The following PCNX2 variants were observed in gnomAD, a reference collection of about 807,000 sequenced individuals.
The protein encoded by PCNX2 is pecanex-like protein 2.
A neutral mutation model predicts 223.8 loss-of-function variants in PCNX2; 168 were observed. The ratio of observed to expected loss-of-function variants is 0.75; its 90% CI spans 0.66 to 0.85. PCNX2 has a LOEUF of 0.85. PCNX2 is among the 40% of genes least tolerant of loss of function. The pLI, the probability that PCNX2 is intolerant of heterozygous loss-of-function variation, is 0.00. For missense variants in PCNX2, 2,507 were observed against 2,675.5 expected, an observed-to-expected ratio of 0.94 and a Z score of 1.39; for synonymous variants, 1,006 against 1,052.6, an observed-to-expected ratio of 0.96 and a Z score of 0.86.
intron 28 of PCNX2, among the ~76,000 whole-genome samples, chr1:233,006,967 T>C: frequency 6.6e-6 from 1 of 152,060 alleles, no homozygotes; most frequent in Non-Finnish European, 1.5e-5. Flanking sequence ...GCTCTCTTCA[T>C]GTGTGCCTTA....
chr1:233,319,499 CCAA>C, the PCNX2 span, among the ~76,000 whole-genome samples: 227 of 152,268 alleles, frequency 1.5e-3, 2 homozygotes, highest in African/African-American at 5.0e-3. Flanking sequence ...AAGTGGAAGC[CCAA>C]GAGAGAAAGC....
At chr1:233,069,338 G>A (rs1276740861) in intron 23 of PCNX2, among the ~76,000 whole-genome samples, 1 of 152,074 alleles carries the variant, frequency 6.6e-6, no homozygotes, top group Non-Finnish European at 1.5e-5. Context: ...GAAGAACTCA[G>A]TAACACTATC....
At chr1:233,178,351 C>T (rs561857571) in intron 16 of PCNX2, among the ~76,000 whole-genome samples, 11 of 152,294 alleles carry the variant, frequency 7.2e-5, no homozygotes, top group Non-Finnish European at 1.0e-4. Flanking sequence ...CAAAGAGTTA[C>T]GGTTATCTTA....
At chr1:233,105,234 T>C (rs1380640536) in intron 21 of PCNX2, among the ~76,000 whole-genome samples, 1 of 152,194 alleles carries the variant, frequency 6.6e-6, no homozygotes, top group Non-Finnish European at 1.5e-5. Flanking sequence ...GTCCACTTCA[T>C]AATGATATAG....
intron 21 of PCNX2, chr1:233,113,060 A>G (rs939343324): frequency 8.1e-7 from 1 of 1,229,160 alleles, no homozygotes; most frequent in Admixed American, 2.3e-5. Flanking sequence ...CAATTACACA[A>G]TACAACACTA....
intron 19 of PCNX2, among the ~76,000 whole-genome samples, chr1:233,158,487 G>T (rs1201813177): frequency 1.3e-5 from 2 of 152,066 alleles, no homozygotes; most frequent in Non-Finnish European, 2.9e-5. Flanking sequence ...TATAGATAAA[G>T]GTAAAGGTAT....
At chr1:233,107,629 T>A (rs78378502) in intron 21 of PCNX2, among the ~76,000 whole-genome samples, 2 of 150,742 alleles carry the variant, frequency 1.3e-5, no homozygotes, top group African/African-American at 4.9e-5. Context: ...CTCTGGGATA[T>A]ACAAAGCTGT....
At chr1:233,218,513 G>C (rs577708528) in intron 10 of PCNX2, among the ~76,000 whole-genome samples, 10 of 152,174 alleles carry the variant, frequency 6.6e-5, no homozygotes, top group Non-Finnish European at 1.3e-4. Flanking sequence ...GCCTCCCAAA[G>C]TGCTGGGATT....
At chr1:233,319,180 C>A in the PCNX2 span, among the ~76,000 whole-genome samples, 84 of 150,486 alleles carry the variant, frequency 5.6e-4, no homozygotes, top group African/African-American at 1.8e-3. Context: ...TGGATTAATG[C>A]CCACCATCTC....
chr1:233,268,718 C>T (rs565242432), intron 1 of PCNX2, among the ~76,000 whole-genome samples: 19 of 152,162 alleles, frequency 1.2e-4, no homozygotes, highest in Non-Finnish European at 1.3e-4. Flanking sequence ...GAACACATCA[C>T]TGTTAGAGGG....
intron 17 of PCNX2, among the ~76,000 whole-genome samples, chr1:233,175,701 CT>C (rs11325429): frequency 0.4 from 60,941 of 151,336 alleles, 16,999 homozygotes; most frequent in African/African-American, 0.78. Context: ...AAATATTTCT[CT>C]TTTTTTTTAA....
chr1:233,179,740 A>T (rs1229340669), intron 15 of PCNX2, among the ~76,000 whole-genome samples: 2 of 152,222 alleles, frequency 1.3e-5, no homozygotes, highest in Admixed American at 1.3e-4. Flanking sequence ...CTTACACTTT[A>T]GCCCAGTTAG....
chr1:233,035,497 C>A (rs913126989), intron 25 of PCNX2, among the ~76,000 whole-genome samples: 2 of 152,130 alleles, frequency 1.3e-5, no homozygotes, highest in East Asian at 1.9e-4. Flanking sequence ...ACTGAGCTGG[C>A]GTTCTGCATA....
At chr1:233,003,877 T>G (rs941055473) in intron 28 of PCNX2, among the ~76,000 whole-genome samples, 1 of 152,058 alleles carries the variant, frequency 6.6e-6, no homozygotes, top group Non-Finnish European at 1.5e-5. Context: ...CTGGAAACCA[T>G]CATTCTCAAC....
intron 1 of PCNX2, 76 bp from the exon 2 acceptor site, chr1:233,263,239 T>C (rs1660154478): frequency 7.9e-7 from 1 of 1,260,802 alleles, no homozygotes; most frequent in Non-Finnish European, 1.1e-6. Context: ...GAAGCATTTT[T>C]AGACTATCTA....
At chr1:233,046,835 G>A (rs1195464141) in intron 25 of PCNX2, among the ~76,000 whole-genome samples, 1 of 152,190 alleles carries the variant, frequency 6.6e-6, no homozygotes, top group Non-Finnish European at 1.5e-5. Flanking sequence ...ACGCCTCCCT[G>A]TAATCATACC....
intron 24 of PCNX2, among the ~76,000 whole-genome samples, chr1:233,055,553 T>C (rs1400309411): frequency 1.3e-5 from 2 of 152,226 alleles, no homozygotes; most frequent in African/African-American, 2.4e-5. Flanking sequence ...AAAGAGAAGA[T>C]TGGATAACAT....
chr1:233,278,115 T>C (rs942738943), intron 1 of PCNX2, among the ~76,000 whole-genome samples: 3 of 152,222 alleles, frequency 2.0e-5, no homozygotes, highest in Non-Finnish European at 2.9e-5. Context: ...CAAGTAATTA[T>C]AAACTCCCCG....
chr1:233,307,317 C>G, the PCNX2 span, among the ~76,000 whole-genome samples: 1 of 152,134 alleles, frequency 6.6e-6, no homozygotes, highest in Non-Finnish European at 1.5e-5. Flanking sequence ...GTGCCATTCT[C>G]AGAGAGAGTG....
Sources: gnomAD v4.1 joint callset for allele counts (sites outside exome capture counted in the v4.1 genomes callset) on GRCh38, gnomAD v4.1.1 for gene constraint, MANE v1.5 for transcripts, NCBI Gene and HGNC (gene_info 2026-07-23, HGNC 2026-07-21) for gene names.